Variants in FOXP2 observed in about 807,000 individuals in gnomAD.
FOXP2 encodes the protein forkhead box P2.
In FOXP2, 12 loss-of-function variants were observed where a neutral mutation model predicts 115.8. That is an observed-to-expected ratio of 0.10 (90% CI 0.07 to 0.17). The LOEUF is 0.17. Ranked by LOEUF, FOXP2 falls within the 10% of genes least tolerant of loss-of-function variation. FOXP2 has a pLI of 1.00. For missense variants in FOXP2, 629 were observed against 843.5 expected (o/e 0.75, Z 3.15); for synonymous variants, 328 against 297.7 (o/e 1.10, Z -1.05).
At chr7:114,627,234 A>G (rs1271087455) in intron 3 of FOXP2, among the ~76,000 whole-genome samples, 1 of 151,806 alleles carries the variant, frequency 6.6e-6, no homozygotes, top group Non-Finnish European at 1.5e-5. Context: ...AAAAGTTTGA[A>G]CTGCATTAAA....
At chr7:114,356,207 T>G (rs951240506) in intron 2 of FOXP2, among the ~76,000 whole-genome samples, 1 of 152,158 alleles carries the variant, frequency 6.6e-6, no homozygotes, top group African/African-American at 2.4e-5. Flanking sequence ...GTATCTTCTA[T>G]TACTTGGAGT....
At chr7:114,243,838 T>A (rs1320498347) in intron 1 of FOXP2, among the ~76,000 whole-genome samples, 1 of 152,032 alleles carries the variant, frequency 6.6e-6, no homozygotes, top group Non-Finnish European at 1.5e-5. Context: ...TATTTTGAGG[T>A]TAATGAGCCA....
chr7:114,109,363 A>T (rs1791207406), intron 1 of FOXP2, among the ~76,000 whole-genome samples: 1 of 152,068 alleles, frequency 6.6e-6, no homozygotes, highest in Admixed American at 6.6e-5. Flanking sequence ...ATTCTGTCTC[A>T]TCTTCATAAT....
chr7:114,352,889 AT>A (rs1302431256), intron 2 of FOXP2, among the ~76,000 whole-genome samples: 1 of 152,146 alleles, frequency 6.6e-6, no homozygotes, highest in Non-Finnish European at 1.5e-5. Flanking sequence ...TCTTCACAAT[AT>A]ACAGTTTTCT....
intron 2 of FOXP2, among the ~76,000 whole-genome samples, chr7:114,364,964 A>G (rs1410058339): frequency 6.6e-6 from 1 of 152,180 alleles, no homozygotes; most frequent in East Asian, 1.9e-4. Flanking sequence ...GCTATTCAGT[A>G]CTTTCAAAAA....
intron 1 of FOXP2, among the ~76,000 whole-genome samples, chr7:114,117,416 T>C (rs953663932): frequency 2.0e-5 from 3 of 151,870 alleles, no homozygotes; most frequent in Non-Finnish European, 2.9e-5. Context: ...GAGACAGGGT[T>C]TCGCCACGTT....
chr7:114,413,508 G>A (rs1336531130), upstream of FOXP2, among the ~76,000 whole-genome samples: 1 of 151,970 alleles, frequency 6.6e-6, no homozygotes, highest in African/African-American at 2.4e-5. Flanking sequence ...TACTTTTAAT[G>A]AGTGAATTAT....
At chr7:114,603,433 C>G (rs1803139287) in intron 3 of FOXP2, among the ~76,000 whole-genome samples, 1 of 152,194 alleles carries the variant, frequency 6.6e-6, no homozygotes, top group Non-Finnish European at 1.5e-5. Context: ...ACCTTTTATG[C>G]ATGGCATTTC....
chr7:114,287,482 G>T (rs928052078), intron 1 of FOXP2, among the ~76,000 whole-genome samples: 20 of 151,928 alleles, frequency 1.3e-4, no homozygotes, highest in Non-Finnish European at 2.2e-4. Context: ...AACGAGAGTA[G>T]TTGAATCGGA....
chr7:114,220,135 C>G (rs1794586586), intron 1 of FOXP2, among the ~76,000 whole-genome samples: 1 of 151,220 alleles, frequency 6.6e-6, no homozygotes, highest in South Asian at 2.1e-4. Context: ...TCCCAAAGTG[C>G]TGGGATTAGA....
upstream of FOXP2, among the ~76,000 whole-genome samples, chr7:114,162,282 T>C (rs1792861812): frequency 6.6e-6 from 1 of 152,170 alleles, no homozygotes; most frequent in South Asian, 2.1e-4. Flanking sequence ...TTACATCTTG[T>C]AAATTTGTTT....
intron 2 of FOXP2, among the ~76,000 whole-genome samples, chr7:114,491,448 C>T (rs560266827): frequency 5.9e-5 from 9 of 151,960 alleles, no homozygotes; most frequent in African/African-American, 9.6e-5. Context: ...TTCTCCCATT[C>T]TGTAGGTTGC....
chr7:114,208,235 G>A (rs1473056364), intron 1 of FOXP2, among the ~76,000 whole-genome samples: 2 of 152,150 alleles, frequency 1.3e-5, no homozygotes, highest in Non-Finnish European at 2.9e-5. Flanking sequence ...CTGGATGTGC[G>A]ACCTGGAGTC....
chr7:114,205,036 T>C (rs2129160418), intron 1 of FOXP2, among the ~76,000 whole-genome samples: 1 of 152,256 alleles, frequency 6.6e-6, no homozygotes, highest in South Asian at 2.1e-4. Flanking sequence ...AGGTATAGTG[T>C]TCCTTAATGT....
Position 114,492,967 on chromosome 7 carries a change from T to G in FOXP2, c.169-41650T>G, listed in dbSNP as rs973580345. Reference sequence around the variant, plus strand: ...GCTGAGTTCAATTCCTGGATATCTTTGTTAACTTTCTGTCTTGATCTGTCT... The same window carrying G: ...GCTGAGTTCAATTCCTGGATATCTTGGTTAACTTTCTGTCTTGATCTGTCT... On this transcript the variant is annotated intron_variant, in intron 2 of 16. Coordinates refer to ENST00000350908, the MANE Select transcript of FOXP2 (RefSeq NM_014491.4). Among the ~76,000 whole-genome samples, 3 of 152,156 alleles carry G rather than the reference T, an allele frequency of 2.0e-5. 1 individual carries two copies. The highest frequency in any genetic ancestry group is 2.0e-4 in the Admixed American group (3 of 15,262).
intron 1 of FOXP2, among the ~76,000 whole-genome samples, chr7:114,171,618 T>G (rs1198223092): frequency 6.6e-6 from 1 of 152,144 alleles, no homozygotes; most frequent in Non-Finnish European, 1.5e-5. Flanking sequence ...AGAGCTCCAA[T>G]GGAGATGTTC....
At chr7:114,327,284 A>G (rs904028751) in intron 2 of FOXP2, among the ~76,000 whole-genome samples, 20 of 152,180 alleles carry the variant, frequency 1.3e-4, no homozygotes, top group Admixed American at 5.9e-4. Flanking sequence ...TGTTGAATGA[A>G]TACTTGAATG....
intron 6 of FOXP2, among the ~76,000 whole-genome samples, chr7:114,636,174 G>T (rs1396892942): frequency 1.3e-5 from 2 of 152,098 alleles, no homozygotes; most frequent in Non-Finnish European, 2.9e-5. Flanking sequence ...ATCTCTGAAG[G>T]ATACTCCAGA....
At chr7:114,258,176 A>G (rs1294040343) in intron 1 of FOXP2, among the ~76,000 whole-genome samples, 1 of 152,200 alleles carries the variant, frequency 6.6e-6, no homozygotes, top group African/African-American at 2.4e-5. Context: ...ATTAGCAATG[A>G]TGGTGGCTTG....
Sources: gnomAD v4.1 joint callset for allele counts (sites outside exome capture counted in the v4.1 genomes callset) on GRCh38, gnomAD v4.1.1 for gene constraint, MANE v1.5 for transcripts, NCBI Gene and HGNC (gene_info 2026-07-23, HGNC 2026-07-21) for gene names.